CFAP61: variants seen among roughly 807,000 people sequenced by gnomAD.
CFAP61 encodes cilia and flagella associated protein 61.
In CFAP61, 107 loss-of-function variants were observed where a neutral mutation model predicts 135.6. The ratio of observed to expected loss-of-function variants is 0.79; its 90% CI spans 0.67 to 0.93. The LOEUF (loss-of-function observed/expected upper bound fraction) is 0.93. CFAP61 is among the 40% of genes least tolerant of loss of function. The probability of loss-of-function intolerance (pLI) is 0.00; values close to 1 mark genes in which losing one functional copy is unlikely to be tolerated. For synonymous variants in CFAP61, 575 were observed against 578.5 expected, an observed-to-expected ratio of 0.99 and a Z score of 0.09; for missense variants, 1,507 against 1,556.2, an observed-to-expected ratio of 0.97 and a Z score of 0.53.
intron 13 of CFAP61, among the ~76,000 whole-genome samples, chr20:20,175,839 T>C (rs1397546959): frequency 6.6e-6 from 1 of 152,176 alleles, no homozygotes; most frequent in Non-Finnish European, 1.5e-5. Context: ...CTGGGGCTTC[T>C]GCTTTTTTAA....
chr20:20,088,696 G>T (rs753430745), intron 6 of CFAP61, among the ~76,000 whole-genome samples: 1 of 152,112 alleles, frequency 6.6e-6, no homozygotes, highest in Non-Finnish European at 1.5e-5. Context: ...GTGGAGTCAT[G>T]GTGATGGTCC....
chr20:20,174,922 G>T (rs1024552857), intron 13 of CFAP61, among the ~76,000 whole-genome samples: 1 of 152,214 alleles, frequency 6.6e-6, no homozygotes, highest in Non-Finnish European at 1.5e-5. Context: ...CCTGCACAGG[G>T]CCTTCCCTTT....
intron 20 of CFAP61, among the ~76,000 whole-genome samples, chr20:20,258,785 G>A (rs879815296): frequency 7.2e-5 from 11 of 152,164 alleles, no homozygotes; most frequent in South Asian, 2.1e-4. Context: ...AATGTTTACC[G>A]CGAGACAGAC....
intron 19 of CFAP61, among the ~76,000 whole-genome samples, chr20:20,246,506 G>A (rs998889712): frequency 6.6e-6 from 1 of 152,204 alleles, no homozygotes; most frequent in Non-Finnish European, 1.5e-5. Flanking sequence ...GGCTCTGAGT[G>A]ACACTACAGG....
At chr20:20,085,847 T>C (rs2046762327) in intron 6 of CFAP61, among the ~76,000 whole-genome samples, 1 of 152,270 alleles carries the variant, frequency 6.6e-6, no homozygotes, top group Non-Finnish European at 1.5e-5. Context: ...TAGAATTTTT[T>C]ACAAATTATT....
intron 11 of CFAP61, among the ~76,000 whole-genome samples, chr20:20,165,798 C>G (rs902306888): frequency 1.3e-5 from 2 of 152,158 alleles, no homozygotes; most frequent in Non-Finnish European, 2.9e-5. Context: ...CTTTTTTCAT[C>G]TCGAGTTTTT....
chr20:20,356,020 G>C (rs1362632183), intron 26 of CFAP61, among the ~76,000 whole-genome samples: 1 of 143,302 alleles, frequency 7.0e-6, no homozygotes, highest in East Asian at 2.2e-4. Context: ...CACACTGTGA[G>C]AGGGGAGGTG....
rs148870772 is a variant in CFAP61, at chr20:20,200,483, G to C, written c.1932+581G>C. Among the ~76,000 whole-genome samples, 719 of 152,238 alleles carry C rather than the reference G, an allele frequency of 4.7e-3. 6 individuals are homozygous for C. The highest frequency in any genetic ancestry group is 8.7e-3 in the Non-Finnish European group (593 of 68,012). On this transcript the variant is annotated intron_variant, in intron 17 of 26. Coordinates refer to ENST00000245957, the MANE Select transcript of CFAP61 (RefSeq NM_015585.4). ...ACTTTTATTGGGAGAACAGGAAAAA[G>C]GACTGAAATCAAACCTAGATATTCT... is the stretch of plus-strand genomic sequence containing the variant.
chr20:20,160,054 G>A (rs977879623), intron 10 of CFAP61, among the ~76,000 whole-genome samples: 8 of 152,198 alleles, frequency 5.3e-5, no homozygotes, highest in Non-Finnish European at 1.2e-4. Context: ...CCAGAAGCCT[G>A]GTGGTTCAGG....
intron 17 of CFAP61, among the ~76,000 whole-genome samples, chr20:20,217,778 C>T (rs2048135110): frequency 6.6e-6 from 1 of 152,228 alleles, no homozygotes; most frequent in Non-Finnish European, 1.5e-5. Context: ...CTTTCCCTCC[C>T]AGCCTTTTGT....
intron 9 of CFAP61, among the ~76,000 whole-genome samples, chr20:20,154,142 G>C (rs553420604): frequency 2.0e-5 from 3 of 152,086 alleles, no homozygotes; most frequent in African/African-American, 7.2e-5. Flanking sequence ...GAAAGCATTT[G>C]ATAAAATCCA....
chr20:20,260,095 G>A (rs769829496), intron 20 of CFAP61, among the ~76,000 whole-genome samples: 4 of 152,194 alleles, frequency 2.6e-5, no homozygotes, highest in African/African-American at 4.8e-5. Flanking sequence ...CAACAGGAAT[G>A]TATGGGTGTA....
rs2055639061 is a variant in CFAP61 at position 20,188,019 on chromosome 20, A to G, written c.1475A>G (p.Glu492Gly). 6.2e-7 allele frequency: 1 copy of G among 1,614,144 alleles called. No homozygotes were observed. Among genetic ancestry groups the G allele is most frequent in the Non-Finnish European group, 8.5e-7 (1 of 1,179,974 alleles). Residue 492 changes from glutamate to glycine, a missense_variant, in exon 14 of 27, where the codon GAG becomes GGG. Physicochemically the swap from Glu to Gly is moderately conservative, Grantham distance 98. Coordinates refer to ENST00000245957, the MANE Select transcript of CFAP61 (RefSeq NM_015585.4). ...STLMLNKSIL[E>G]DLDRYNKARK... ...CTCATGTTGAATAAAAGCATATTGG[A>G]GGACTTAGACCGTTACAACAAGGCT...
At chr20:20,192,491 C>A (rs2055993926) in intron 15 of CFAP61, among the ~76,000 whole-genome samples, 1 of 152,018 alleles carries the variant, frequency 6.6e-6, no homozygotes, top group Admixed American at 6.5e-5. Flanking sequence ...CTGATTGCCA[C>A]TGAGTTCCCT....
intron 15 of CFAP61, among the ~76,000 whole-genome samples, chr20:20,192,564 C>T (rs1271871200): frequency 2.6e-5 from 4 of 152,064 alleles, no homozygotes; most frequent in Non-Finnish European, 2.9e-5. Context: ...CCTCCTCCCG[C>T]GCCACCCTCT....
Position 20,228,479 on chromosome 20 carries a change from G to T in CFAP61, c.2060+103G>T, listed in dbSNP as rs768190868. On this transcript the variant is annotated intron_variant, in intron 18 of 26. Transcript: ENST00000245957. ...CAGAGAACAGACCTGAGATTGTTTGGTACTCCACACACCCTGCCTATGTGG... is the reference window on the plus strand; with the variant it reads ...CAGAGAACAGACCTGAGATTGTTTGTTACTCCACACACCCTGCCTATGTGG... 4.7e-5 allele frequency: 46 copies of T among 970,700 alleles called. 1 individual carries two copies. Among genetic ancestry groups the T allele is most frequent in the Admixed American group, 1.1e-4 (6 of 52,330 alleles). 60.1% of individuals were successfully genotyped at this position (970,700 alleles called of 1,614,324 possible).
intron 22 of CFAP61, among the ~76,000 whole-genome samples, chr20:20,278,285 A>T (rs1304420761): frequency 6.6e-6 from 1 of 152,206 alleles, no homozygotes; most frequent in East Asian, 1.9e-4. Flanking sequence ...GATTCTGGCA[A>T]CAGCAGTGGT....
chr20:20,097,169 T>G (rs899707351), intron 7 of CFAP61, among the ~76,000 whole-genome samples: 5 of 151,922 alleles, frequency 3.3e-5, no homozygotes, highest in African/African-American at 1.2e-4. Flanking sequence ...TTTAGGAGAT[T>G]AAAGCATTTT....
chr20:20,143,072 G>A (rs941635213), intron 9 of CFAP61, 124 bp downstream of exon 9: 4 of 618,860 alleles, frequency 6.5e-6, no homozygotes, highest in Non-Finnish European at 1.2e-5. Flanking sequence ...TGCAGAAAAG[G>A]CCTCACTAGC....
Sources: allele counts gnomAD v4.1 joint callset (sites outside exome capture counted in the v4.1 genomes callset), GRCh38; gene constraint gnomAD v4.1.1; transcripts MANE v1.5; gene names NCBI Gene and HGNC (gene_info 2026-07-23, HGNC 2026-07-21).